The following KDM4C variants were observed in gnomAD, a reference collection of about 807,000 sequenced individuals.
KDM4C encodes the protein lysine-specific demethylase 4C.
A neutral mutation model predicts 129.3 loss-of-function variants in KDM4C; 81 were observed. The ratio of observed to expected loss-of-function variants is 0.63; its 90% CI spans 0.52 to 0.75. The LOEUF is 0.75. Among genes scored for constraint, KDM4C ranks in the 30% least tolerant of loss-of-function variants. The pLI, the probability that KDM4C is intolerant of heterozygous loss-of-function variation, is 0.00. For missense variants in KDM4C, 1,457 were observed against 1,304.0 expected (o/e 1.12, Z -1.81); for synonymous variants, 573 against 456.1 (o/e 1.26, Z -3.26).
chr9:6,927,133 A>G (rs553805536), intron 8 of KDM4C, among the ~76,000 whole-genome samples: 1 of 150,616 alleles, frequency 6.6e-6, no homozygotes, highest in Admixed American at 6.6e-5. Flanking sequence ...CTATCTATCT[A>G]TCTATCTGTT....
intron 17 of KDM4C, among the ~76,000 whole-genome samples, chr9:7,095,597 A>G (rs982192749): frequency 1.3e-5 from 2 of 152,008 alleles, no homozygotes; most frequent in Non-Finnish European, 1.5e-5. Context: ...TGGGAAAATT[A>G]TGTGTCCTTT....
chr9:6,761,512 G>C (rs535844296), intron 1 of KDM4C, among the ~76,000 whole-genome samples: 1 of 151,804 alleles, frequency 6.6e-6, no homozygotes, highest in African/African-American at 2.4e-5. Flanking sequence ...GATTTTTGTG[G>C]TCTTGCCATG....
intron 17 of KDM4C, among the ~76,000 whole-genome samples, chr9:7,090,921 A>G (rs1391762368): frequency 2.0e-5 from 3 of 152,332 alleles, no homozygotes; most frequent in South Asian, 2.1e-4. Context: ...TGCAAGGGGA[A>G]GAATGAATTG....
chr9:7,020,807 T>C lies in KDM4C; in HGVS notation c.2259+4878T>C, dbSNP rs371177924. Among the ~76,000 whole-genome samples the C allele has an allele frequency of 6.6e-5, 10 of 152,346 alleles. No homozygotes were observed. The East Asian group carries it at 1.7e-3, about 26-fold the overall frequency. On this transcript the variant is annotated intron_variant, in intron 15 of 21. Transcript: ENST00000381309. The stretch of plus-strand genomic sequence containing the variant: ...CATTTCAAGCATTTATGCTTTGTGT[T>C]ACAAACAATCCAGTTATACTCATTG...
In KDM4C at chr9:6,849,692, C is replaced by G; in HGVS notation, c.621C>G (p.Pro207=). The G allele has an allele frequency of 6.5e-7, 1 of 1,548,832 alleles. No individual in the cohort carries two copies. The highest frequency in any genetic ancestry group is 8.8e-7 in the Non-Finnish European group (1 of 1,139,562). Residue 207 remains proline, a synonymous_variant, in exon 5 of 22, where the codon CCC becomes CCG. Coordinates refer to ENST00000381309, the MANE Select transcript of KDM4C (RefSeq NM_015061.6). ...TTAATTATCTCCACTTTGGAGAGCCCAAGTCTTGGCAAGTTACTTGTTTAA... is the reference window on the plus strand; with the variant it reads ...TTAATTATCTCCACTTTGGAGAGCCGAAGTCTTGGCAAGTTACTTGTTTAA... The part of the protein sequence containing the change: ...YSINYLHFGE[P]KSWYAIPPEH...
intron 18 of KDM4C, among the ~76,000 whole-genome samples, chr9:7,120,780 T>G (rs1839406078): frequency 6.6e-6 from 1 of 152,216 alleles, no homozygotes; most frequent in Non-Finnish European, 1.5e-5. Context: ...TCTTACATCA[T>G]ATTTACTGAA....
intron 8 of KDM4C, among the ~76,000 whole-genome samples, chr9:6,894,026 T>C (rs1846476082): frequency 1.3e-5 from 2 of 152,104 alleles, no homozygotes; most frequent in African/African-American, 2.4e-5. Context: ...GACGTAGATT[T>C]AGCAGAAAAT....
intron 19 of KDM4C, among the ~76,000 whole-genome samples, chr9:7,159,789 G>A (rs535830890): frequency 1.3e-5 from 2 of 152,266 alleles, no homozygotes; most frequent in South Asian, 4.2e-4. Context: ...CAACCTTGGT[G>A]AATCTGCCAA....
chr9:7,126,253 C>G (rs1396443854), intron 18 of KDM4C, among the ~76,000 whole-genome samples: 1 of 152,020 alleles, frequency 6.6e-6, no homozygotes, highest in African/African-American at 2.4e-5. Context: ...ACAATTCATG[C>G]CCATATTCTT....
chr9:6,887,559 T>A (rs537877310), intron 6 of KDM4C, among the ~76,000 whole-genome samples: 1 of 152,230 alleles, frequency 6.6e-6, no homozygotes, highest in Non-Finnish European at 1.5e-5. Context: ...TGCATACTTA[T>A]CTTTCCTTTT....
chr9:6,975,201 G>C (rs907712247), intron 8 of KDM4C, among the ~76,000 whole-genome samples: 1 of 152,204 alleles, frequency 6.6e-6, no homozygotes, highest in Non-Finnish European at 1.5e-5. Context: ...GAACCTATTA[G>C]AAGTGGGAGG....
intron 17 of KDM4C, among the ~76,000 whole-genome samples, chr9:7,089,916 G>T (rs1835596815): frequency 6.6e-6 from 1 of 152,232 alleles, no homozygotes; most frequent in African/African-American, 2.4e-5. Flanking sequence ...CGTCAGCTGG[G>T]TTCCATTCCT....
intron 8 of KDM4C, among the ~76,000 whole-genome samples, chr9:6,927,091 CTAT>C (rs1822728127): frequency 4.9e-4 from 37 of 76,166 alleles, no homozygotes; most frequent in Non-Finnish European, 6.9e-4. Flanking sequence ...AAAAAATTTT[CTAT>C]CTATCTATCT....
intron 14 of KDM4C, among the ~76,000 whole-genome samples, chr9:7,014,949 C>CACACCT (rs1456077093): frequency 2.1e-4 from 31 of 148,038 alleles, no homozygotes; most frequent in African/African-American, 7.7e-4. Flanking sequence ...CACACACACA[C>CACACCT]ACACCTTACA....
chr9:6,997,352 G>T (rs1819953062), intron 12 of KDM4C, among the ~76,000 whole-genome samples: 1 of 152,142 alleles, frequency 6.6e-6, no homozygotes, highest in East Asian at 1.9e-4. Flanking sequence ...CTTTACTTAA[G>T]TGCACACTTG....
chr9:6,934,762 C>T (rs1329938345), intron 8 of KDM4C, among the ~76,000 whole-genome samples: 1 of 152,036 alleles, frequency 6.6e-6, no homozygotes. Context: ...GCGCCCGGCC[C>T]ACTCTAATTT....
chr9:7,021,350 G>A (rs1824821061), intron 15 of KDM4C, among the ~76,000 whole-genome samples: 1 of 151,830 alleles, frequency 6.6e-6, no homozygotes, highest in Non-Finnish European at 1.5e-5. Context: ...TCACCATGTT[G>A]GCCAGGCTGG....
chr9:6,986,300 A>G (rs1030807808), intron 10 of KDM4C, 44 bp from the exon 11 acceptor site: 12 of 1,334,274 alleles, frequency 9.0e-6, no homozygotes, highest in Non-Finnish European at 1.3e-5. Flanking sequence ...ACTTAGTAGT[A>G]ATACAGTGCA....
intron 1 of KDM4C, among the ~76,000 whole-genome samples, chr9:6,791,066 T>A (rs181764213): frequency 6.6e-6 from 1 of 152,188 alleles, no homozygotes; most frequent in Admixed American, 6.5e-5. Flanking sequence ...TACCTTCTTA[T>A]AAGACTTAAC....
Sources: allele counts gnomAD v4.1 joint callset (sites outside exome capture counted in the v4.1 genomes callset), GRCh38; gene constraint gnomAD v4.1.1; transcripts MANE v1.5; gene names NCBI Gene and HGNC (gene_info 2026-07-23, HGNC 2026-07-21).